Variants in TTC29 observed in about 807,000 individuals in gnomAD.
The protein encoded by TTC29 is tetratricopeptide repeat protein 29.
In TTC29, 49 loss-of-function variants were observed where a neutral mutation model predicts 58.1. The observed-to-expected ratio is 0.84, with a 90% CI of 0.67 to 1.07. The LOEUF (loss-of-function observed/expected upper bound fraction) is 1.07. TTC29 is among the 50% of genes least tolerant of loss of function. The pLI, the probability that TTC29 is intolerant of heterozygous loss-of-function variation, is 0.00. For synonymous variants in TTC29, 209 were observed against 196.8 expected (o/e 1.06, Z -0.52); for missense variants, 582 against 555.6 (o/e 1.05, Z -0.48).
At position 146,729,189 on chromosome 4, in the gene TTC29, C is replaced by T. The variant is rs1242768918; in HGVS notation, c.1331-21638G>A. Among the ~76,000 whole-genome samples, 6 of 152,114 alleles carry T rather than the reference C, an allele frequency of 3.9e-5. 1 individual carries two copies. In the South Asian group the frequency reaches 6.2e-4, roughly 16 times the overall value. On this transcript the variant is annotated intron_variant, in intron 11 of 12. Transcript: ENST00000325106. ...TAATAATATGTGGGAGATCTTGTGC[C>T]ATCTTATACTAACTTATAAATTGTA... is the stretch of plus-strand genomic sequence containing the variant.
intron 4 of TTC29, among the ~76,000 whole-genome samples, chr4:146,935,347 A>C (rs993404144): frequency 2.0e-5 from 3 of 152,218 alleles, no homozygotes; most frequent in Non-Finnish European, 4.4e-5. Context: ...TGTATTAATG[A>C]GTATACACAA....
intron 2 of TTC29, among the ~76,000 whole-genome samples, chr4:146,942,242 G>A (rs1174691596): frequency 6.6e-6 from 1 of 152,132 alleles, no homozygotes; most frequent in Non-Finnish European, 1.5e-5. Context: ...AAGGCATTAA[G>A]AGTGGAAGTT....
intron 2 of TTC29, chr4:146,942,607 T>G: frequency 6.5e-7 from 1 of 1,533,814 alleles, no homozygotes. Flanking sequence ...TGAAGACTTT[T>G]CCACAGAGTT....
At position 146,809,573 on chromosome 4, in the gene TTC29, A is replaced by C. The variant is rs547254106; in HGVS notation, c.1102-5888T>G. Among the ~76,000 whole-genome samples the C allele has an allele frequency of 4.0e-5, 6 of 150,114 alleles. 1 individual carries two copies. The highest frequency in any genetic ancestry group is 1.4e-4 in the Admixed American group (2 of 14,602). ...CTTCAACAAATTTACAAGAAAAAAAACAAACAACTCCATCAAAAAGTGGGC... is the reference window on the plus strand; with the variant it reads ...CTTCAACAAATTTACAAGAAAAAAACCAAACAACTCCATCAAAAAGTGGGC... On this transcript the variant is annotated intron_variant, in intron 10 of 12. Transcript: ENST00000325106.
rs117031107 is a variant in TTC29, at chr4:146,924,443, A to G, written c.176+13151T>C. Among the ~76,000 whole-genome samples the G allele has an allele frequency of 1.0e-3, 154 of 151,990 alleles. 4 individuals are homozygous for G. The East Asian group carries it at 0.028, about 28-fold the overall frequency. On this transcript the variant is annotated intron_variant, in intron 4 of 12. Coordinates refer to ENST00000325106, the MANE Select transcript of TTC29 (RefSeq NM_031956.4). ...TAGATTTAATGTCTTTAATAAATAT[A>G]AATCTCTTCTGTTATCTGTTTCTAT...
chr4:146,904,156 A>G (rs1367065102), intron 5 of TTC29, among the ~76,000 whole-genome samples: 1 of 152,178 alleles, frequency 6.6e-6, no homozygotes, highest in Non-Finnish European at 1.5e-5. Flanking sequence ...AGCAAAAGAT[A>G]ATGTAAATGA....
intron 9 of TTC29, among the ~76,000 whole-genome samples, chr4:146,829,122 C>T (rs994973799): frequency 2.0e-5 from 3 of 152,142 alleles, no homozygotes; most frequent in African/African-American, 7.2e-5. Context: ...TTCATTCAAC[C>T]AGACCTTAGA....
At chr4:146,794,619 G>A (rs28712133) in intron 11 of TTC29, among the ~76,000 whole-genome samples, 15 of 151,684 alleles carry the variant, frequency 9.9e-5, no homozygotes, top group Admixed American at 4.6e-4. Flanking sequence ...CCACTGATAC[G>A]TTAGTATTAG....
chr4:146,741,520 T>C (rs62327980), intron 11 of TTC29, among the ~76,000 whole-genome samples: 1 of 151,988 alleles, frequency 6.6e-6, no homozygotes, highest in African/African-American at 2.4e-5. Context: ...TATTTGTCTC[T>C]TTTCTCCAAT....
intron 6 of TTC29, among the ~76,000 whole-genome samples, chr4:146,898,739 A>C (rs1732941801): frequency 6.6e-6 from 1 of 152,168 alleles, no homozygotes; most frequent in Non-Finnish European, 1.5e-5. Flanking sequence ...TCTAGACTCA[A>C]AGCTAATGGG....
At chr4:146,814,575 A>C (rs529908678) in intron 10 of TTC29, among the ~76,000 whole-genome samples, 90 of 152,046 alleles carry the variant, frequency 5.9e-4, no homozygotes, top group African/African-American at 1.8e-3. Flanking sequence ...AAAATACAAA[A>C]ATTAGCTGGG....
intron 9 of TTC29, among the ~76,000 whole-genome samples, chr4:146,828,709 T>A (rs55789811): frequency 0.056 from 8,501 of 152,174 alleles, 824 homozygotes; most frequent in African/African-American, 0.19. Flanking sequence ...GTAATTCATG[T>A]CATTTTTCTT....
At chr4:146,924,346 T>C (rs968334802) in intron 4 of TTC29, among the ~76,000 whole-genome samples, 1 of 151,866 alleles carries the variant, frequency 6.6e-6, no homozygotes, top group Non-Finnish European at 1.5e-5. Flanking sequence ...TTTCTTCCCC[T>C]AATGTTAGGT....
intron 8 of TTC29, among the ~76,000 whole-genome samples, chr4:146,846,099 A>T (rs1192799458): frequency 2.0e-5 from 3 of 152,138 alleles, no homozygotes; most frequent in Non-Finnish European, 4.4e-5. Flanking sequence ...TGACTTTTGC[A>T]TTCTACCGCA....
At chr4:146,851,997 A>G (rs760536586) in intron 8 of TTC29, among the ~76,000 whole-genome samples, 26 of 152,270 alleles carry the variant, frequency 1.7e-4, no homozygotes, top group Non-Finnish European at 2.9e-4. Context: ...GTGCAGTGGC[A>G]TGATCTCAGC....
chr4:146,930,027 AATAT>A (rs199873434), intron 4 of TTC29, among the ~76,000 whole-genome samples: 3 of 126,626 alleles, frequency 2.4e-5, no homozygotes, highest in Admixed American at 1.5e-4. Context: ...GCACACATAC[AATAT>A]ATATATATAT....
At position 146,717,072 on chromosome 4, in the gene TTC29, T is replaced by C. The variant is rs565327354; in HGVS notation, c.1331-9521A>G. 2.6e-5 allele frequency among the ~76,000 whole-genome samples: 4 copies of C among 152,258 alleles called. No individual in the cohort carries two copies. The East Asian group carries it at 7.7e-4, about 29-fold the overall frequency. On this transcript the variant is annotated intron_variant, in intron 11 of 12. Transcript: ENST00000325106. The stretch of plus-strand genomic sequence containing the variant: ...AAGGTAATTCATTCGCCCATTAAAG[T>C]TTGACAATCGTTGCTTTATGGATTT...
intron 6 of TTC29, among the ~76,000 whole-genome samples, chr4:146,895,373 A>C (rs924716940): frequency 6.6e-6 from 1 of 152,162 alleles, no homozygotes; most frequent in Non-Finnish European, 1.5e-5. Flanking sequence ...GTCCAGAAGG[A>C]AACACTAGGA....
At chr4:146,853,708 A>T (rs1445472295) in intron 8 of TTC29, among the ~76,000 whole-genome samples, 2 of 152,212 alleles carry the variant, frequency 1.3e-5, no homozygotes, top group Non-Finnish European at 2.9e-5. Context: ...GATGTACAAA[A>T]TTTAAACCTT....
Sources: allele counts gnomAD v4.1 joint callset (sites outside exome capture counted in the v4.1 genomes callset), GRCh38; gene constraint gnomAD v4.1.1; transcripts MANE v1.5; gene names NCBI Gene and HGNC (gene_info 2026-07-23, HGNC 2026-07-21).